STRN3: variants seen among roughly 807,000 people sequenced by gnomAD.
The protein encoded by STRN3 is striatin 3.
In STRN3, 29 loss-of-function variants were observed where a neutral mutation model predicts 95.6. That is an observed-to-expected ratio of 0.30 (90% CI 0.23 to 0.41). The LOEUF is 0.41. Ranked by LOEUF, STRN3 falls within the 10% of genes least tolerant of loss-of-function variation. The pLI, the probability that STRN3 is intolerant of heterozygous loss-of-function variation, is 1.00. For missense variants in STRN3, 890 were observed against 972.1 expected (o/e 0.92, Z 1.12); for synonymous variants, 331 against 357.6 (o/e 0.93, Z 0.84).
chr14:30,957,072 C>T (rs1365902711), intron 1 of STRN3, among the ~76,000 whole-genome samples: 1 of 152,238 alleles, frequency 6.6e-6, no homozygotes, highest in South Asian at 2.1e-4. Context: ...GCAGGAGAAT[C>T]GCTTGAACCT....
chr14:30,933,376 CTAAA>C (rs1878653659), intron 7 of STRN3, among the ~76,000 whole-genome samples: 1 of 141,736 alleles, frequency 7.1e-6, no homozygotes, highest in Admixed American at 7.2e-5. Flanking sequence ...ATCCTGTTAA[CTAAA>C]TAAGTAAATA....
At chr14:30,971,928 AC>A (rs1280595136) in intron 1 of STRN3, among the ~76,000 whole-genome samples, 11 of 152,280 alleles carry the variant, frequency 7.2e-5, no homozygotes, top group African/African-American at 2.4e-4. Flanking sequence ...ACCTCCCTTA[AC>A]TATCCTCCAC....
intron 1 of STRN3, among the ~76,000 whole-genome samples, chr14:30,978,015 G>A (rs1262832421): frequency 1.3e-5 from 2 of 152,064 alleles, no homozygotes; most frequent in African/African-American, 4.8e-5. Flanking sequence ...GGAACCAAAA[G>A]TTAATAATCT....
intron 1 of STRN3, among the ~76,000 whole-genome samples, chr14:30,977,796 A>T (rs142014247): frequency 2.5e-5 from 3 of 120,984 alleles, no homozygotes; most frequent in Admixed American, 8.6e-5. Flanking sequence ...TCTATCTCGA[A>T]AAAAAAAAAA....
chr14:30,969,158 G>A (rs897049508), intron 1 of STRN3, among the ~76,000 whole-genome samples: 1 of 152,130 alleles, frequency 6.6e-6, no homozygotes, highest in Non-Finnish European at 1.5e-5. Flanking sequence ...TCTATAAGCT[G>A]GGCGCAGTGG....
chr14:31,014,652 G>GTACAC (rs1470916319), intron 1 of STRN3: 3 of 449,962 alleles, frequency 6.7e-6, no homozygotes, highest in Non-Finnish European at 1.4e-5. Flanking sequence ...AAACCACTTA[G>GTACAC]GTGTAATGCT....
At chr14:31,017,502 A>T (rs1039845050) in intron 1 of STRN3, among the ~76,000 whole-genome samples, 5 of 151,994 alleles carry the variant, frequency 3.3e-5, no homozygotes, top group African/African-American at 4.8e-5. Context: ...CCGTCTCAAA[A>T]AAAAAAAAAA....
chr14:31,017,452 T>C (rs1455547440), intron 1 of STRN3, among the ~76,000 whole-genome samples: 1 of 150,330 alleles, frequency 6.7e-6, no homozygotes, highest in African/African-American at 2.5e-5. Flanking sequence ...TGAGCCGAGA[T>C]CGCGCCACTG....
chr14:30,974,176 T>C (rs1040794912), intron 1 of STRN3, among the ~76,000 whole-genome samples: 1 of 152,116 alleles, frequency 6.6e-6, no homozygotes, highest in African/African-American at 2.4e-5. Context: ...AGATATGATG[T>C]AGAAACTCAA....
At chr14:31,012,676 GA>G (rs1287033717) in intron 1 of STRN3, among the ~76,000 whole-genome samples, 1 of 152,100 alleles carries the variant, frequency 6.6e-6, no homozygotes, top group Non-Finnish European at 1.5e-5. Context: ...GGTGGATCAC[GA>G]GGTCAGCAGT....
intron 1 of STRN3, among the ~76,000 whole-genome samples, chr14:31,000,327 A>G (rs1882385576): frequency 6.6e-6 from 1 of 152,108 alleles, no homozygotes; most frequent in Non-Finnish European, 1.5e-5. Flanking sequence ...ATCTGTGTTG[A>G]TGGGTATACA....
At chr14:30,997,334 T>C (rs1241926740) in intron 1 of STRN3, among the ~76,000 whole-genome samples, 1 of 152,112 alleles carries the variant, frequency 6.6e-6, no homozygotes, top group Non-Finnish European at 1.5e-5. Context: ...CTGCCTTTAA[T>C]ATACAAATGA....
At chr14:30,917,985 G>C (rs1487959200) in intron 9 of STRN3, among the ~76,000 whole-genome samples, 1 of 152,020 alleles carries the variant, frequency 6.6e-6, no homozygotes, top group Non-Finnish European at 1.5e-5. Flanking sequence ...TCTAGACTTA[G>C]AGTTATACAT....
intron 8 of STRN3, among the ~76,000 whole-genome samples, chr14:30,925,482 C>T (rs1897005285): frequency 6.6e-6 from 1 of 151,862 alleles, no homozygotes. Context: ...TAAGAAGCTG[C>T]AGTGAAAAAT....
chr14:30,938,131 T>C (rs1878916556), intron 5 of STRN3, among the ~76,000 whole-genome samples: 1 of 150,080 alleles, frequency 6.7e-6, no homozygotes, highest in South Asian at 2.3e-4. Context: ...TTTCAATCCA[T>C]AGATGTAGAA....
intron 2 of STRN3, 64 bp from the exon 3 acceptor site, chr14:30,955,757 T>C (rs1454695960): frequency 2.8e-5 from 37 of 1,310,468 alleles, no homozygotes; most frequent in Non-Finnish European, 3.8e-5. Context: ...TTGCTTTATA[T>C]TACTCCAATA....
intron 5 of STRN3, 78 bp downstream of exon 5, chr14:30,947,012 T>C (rs1879394810): frequency 9.3e-7 from 1 of 1,070,142 alleles, no homozygotes; most frequent in African/African-American, 1.7e-5. Context: ...TTAATGGCAG[T>C]AACAAGGAGC....
chr14:30,999,219 T>C (rs1252988807), intron 1 of STRN3, among the ~76,000 whole-genome samples: 1 of 151,524 alleles, frequency 6.6e-6, no homozygotes, highest in Non-Finnish European at 1.5e-5. Flanking sequence ...CTAATTTTTT[T>C]ATTTTTTGTG....
At chr14:30,952,468 G>A (rs1879694338) in intron 3 of STRN3, among the ~76,000 whole-genome samples, 1 of 152,146 alleles carries the variant, frequency 6.6e-6, no homozygotes, top group African/African-American at 2.4e-5. Context: ...GGGAGGCCAA[G>A]GCAGGTGGGT....
Sources: gnomAD v4.1 joint callset for allele counts (sites outside exome capture counted in the v4.1 genomes callset) on GRCh38, gnomAD v4.1.1 for gene constraint, MANE v1.5 for transcripts, NCBI Gene and HGNC (gene_info 2026-07-23, HGNC 2026-07-21) for gene names.